The following PCBP2 variants were observed in gnomAD, a reference collection of about 807,000 sequenced individuals.
PCBP2 encodes poly(rC) binding protein 2.
A neutral mutation model predicts 50.1 loss-of-function variants in PCBP2; 4 were observed. The ratio of observed to expected loss-of-function variants is 0.08; its 90% CI spans 0.04 to 0.18. The LOEUF (loss-of-function observed/expected upper bound fraction) is 0.18. PCBP2 is among the 10% of genes least tolerant of loss of function. The pLI, the probability that PCBP2 is intolerant of heterozygous loss-of-function variation, is 1.00. For synonymous variants in PCBP2, 179 were observed against 168.0 expected, an observed-to-expected ratio of 1.07 and a Z score of -0.51; for missense variants, 161 against 474.3, an observed-to-expected ratio of 0.34 and a Z score of 6.14.
chr12:53,464,133 A>G (rs1421873039), intron 8 of PCBP2, among the ~76,000 whole-genome samples: 1 of 152,100 alleles, frequency 6.6e-6, no homozygotes, highest in Non-Finnish European at 1.5e-5. Flanking sequence ...TAGCCTTAGG[A>G]GTTTTTCTTT....
At chr12:53,475,345 G>T (rs1942505192) in intron 14 of PCBP2, 1 of 363,966 alleles carries the variant, frequency 2.7e-6, no homozygotes, top group Admixed American at 3.5e-5. Context: ...GGGATAACTG[G>T]GTGGGGGTGG....
chr12:53,454,641 G>A, intron 1 of PCBP2, 85 bp from the exon 2 acceptor site: 1 of 637,818 alleles, frequency 1.6e-6, no homozygotes, highest in Non-Finnish European at 2.9e-6. Flanking sequence ...GTGTAAAGTA[G>A]AAAATATTGA....
At chr12:53,473,776 TC>T (rs1380308966) in intron 14 of PCBP2, among the ~76,000 whole-genome samples, 9 of 151,050 alleles carry the variant, frequency 6.0e-5, no homozygotes, top group African/African-American at 1.7e-4. Flanking sequence ...TTTTTTTTTT[TC>T]CTTTCTCATT....
intron 8 of PCBP2, 126 bp downstream of exon 8, chr12:53,462,693 G>A (rs567638648): frequency 1.5e-5 from 10 of 646,264 alleles, no homozygotes; most frequent in South Asian, 9.2e-5. Flanking sequence ...TAGTTTGACC[G>A]GCTTTTAGTT....
At chr12:53,468,473 T>G in intron 12 of PCBP2, 2 of 389,810 alleles carry the variant, frequency 5.1e-6, no homozygotes, top group Non-Finnish European at 9.3e-6. Context: ...TGTTTAGACA[T>G]TGGTCCTTTT....
intron 11 of PCBP2, 152 bp downstream of exon 11, chr12:53,467,445 G>A (rs1941900366): frequency 2.7e-6 from 2 of 736,176 alleles, no homozygotes; most frequent in Non-Finnish European, 4.9e-6. Flanking sequence ...AGCCCAAGGA[G>A]GTAATGTGTT....
intron 13 of PCBP2, 87 bp from the exon 14 acceptor site, chr12:53,471,551 C>G (rs1387922876): frequency 8.1e-6 from 10 of 1,238,870 alleles, no homozygotes; most frequent in African/African-American, 2.0e-5. Context: ...TGGCCACAGT[C>G]GTAGGATTTG....
chr12:53,461,818 T>C (rs1208407051), intron 7 of PCBP2, among the ~76,000 whole-genome samples: 3 of 152,076 alleles, frequency 2.0e-5, no homozygotes, highest in Non-Finnish European at 4.4e-5. Context: ...TAAGCGATCC[T>C]CTCACCTGTC....
intron 13 of PCBP2, among the ~76,000 whole-genome samples, chr12:53,469,564 AC>A (rs888692900): frequency 1.3e-5 from 2 of 151,944 alleles, no homozygotes; most frequent in African/African-American, 4.8e-5. Context: ...TACTAAAAAT[AC>A]AAAAAAAGCA....
At chr12:53,463,147 G>T (rs573814541) in intron 8 of PCBP2, among the ~76,000 whole-genome samples, 2 of 152,148 alleles carry the variant, frequency 1.3e-5, no homozygotes, top group Non-Finnish European at 1.5e-5. Context: ...AGAATAGAAG[G>T]GGGGTGAGCA....
In PCBP2 at chr12:53,460,715, C is replaced by A. The variant is rs530661539; in HGVS notation, c.376-300C>A. On this transcript the variant is annotated intron_variant, in intron 6 of 14. Coordinates refer to ENST00000546463, the MANE Select transcript of PCBP2 (RefSeq NM_031989.5). ...GGTGATACTTGTGGGGCTTTTGCTT[C>A]GCCCAGAGAACTATCATTAGTTGAA... 21 of 263,538 alleles carry A rather than the reference C, an allele frequency of 8.0e-5. No homozygotes were observed. In the East Asian group the frequency reaches 2.1e-3, roughly 26 times the overall value. The allele number at this position is 263,538 out of a possible 1,614,324, so 16.3% of individuals were successfully genotyped here. A position where few individuals can be genotyped will look rare whatever the true frequency, so the allele number is the denominator to read the frequency against.
intron 14 of PCBP2, 58 bp from the exon 15 acceptor site, chr12:53,479,348 A>C: frequency 7.0e-7 from 1 of 1,431,160 alleles, no homozygotes; most frequent in Non-Finnish European, 9.9e-7. Context: ...AACCAGGTAG[A>C]GATGAGGTGC....
rs1403861883 is a variant in PCBP2 at position 53,479,532 on chromosome 12, G to A, written c.*90G>A. On this transcript the variant is annotated 3_prime_UTR_variant, in exon 15 of 15. Transcript: ENST00000546463. Reference sequence around the variant, plus strand: ...GTTTCTGAACAGTCAGCGATTCCAGGTTTTAAATAGTTTGTAAATTTTCAG... The same window carrying A: ...GTTTCTGAACAGTCAGCGATTCCAGATTTTAAATAGTTTGTAAATTTTCAG... 1 of 1,105,004 alleles carries A rather than the reference G, an allele frequency of 9.0e-7. No homozygotes were observed. Among genetic ancestry groups the A allele is most frequent in the Non-Finnish European group, 1.4e-6 (1 of 736,294 alleles). The allele number at this position is 1,105,004 out of a possible 1,614,324, so 68.4% of individuals were successfully genotyped here. A position where few individuals can be genotyped will look rare whatever the true frequency, so the allele number is the denominator to read the frequency against.
chr12:53,465,042 CT>C (rs747714871), intron 9 of PCBP2, 190 bp downstream of exon 9: 43,743 of 376,190 alleles, frequency 0.12, 2 homozygotes, highest in East Asian at 0.16. Flanking sequence ...GTAACACCAA[CT>C]TTTTTTTTTT....
At chr12:53,475,799 C>G (rs972924560) in intron 14 of PCBP2, 1 of 152,098 alleles carries the variant, frequency 6.6e-6, no homozygotes, top group South Asian at 2.1e-4. Flanking sequence ...AAAGAGATAA[C>G]GAGTCTGTGG....
intron 5 of PCBP2, among the ~76,000 whole-genome samples, chr12:53,458,256 T>C (rs1941190018): frequency 6.6e-6 from 1 of 151,868 alleles, no homozygotes; most frequent in East Asian, 1.9e-4. Context: ...AGGGTAGAAT[T>C]GATGTAAATA....
chr12:53,458,643 ATTTTTT>A (rs3049328), intron 5 of PCBP2, among the ~76,000 whole-genome samples: 4 of 123,326 alleles, frequency 3.2e-5, no homozygotes, highest in Admixed American at 1.6e-4. Flanking sequence ...ATTTGACTTA[ATTTTTT>A]TTTTTTTTTT....
intron 6 of PCBP2, chr12:53,460,108 T>C (rs540777284): frequency 1.3e-4 from 31 of 229,750 alleles, no homozygotes; most frequent in Non-Finnish European, 2.3e-4. Flanking sequence ...AGGAGAAAAA[T>C]AGGAAGATGT....
chr12:53,458,010 CCT>C (rs1401160580), intron 5 of PCBP2, among the ~76,000 whole-genome samples: 2 of 152,120 alleles, frequency 1.3e-5, no homozygotes, highest in African/African-American at 2.4e-5. Flanking sequence ...CTCACCGTAA[CCT>C]CTGACTCCCG....
Sources: gnomAD v4.1 joint callset for allele counts (sites outside exome capture counted in the v4.1 genomes callset) on GRCh38, gnomAD v4.1.1 for gene constraint, MANE v1.5 for transcripts, NCBI Gene and HGNC (gene_info 2026-07-23, HGNC 2026-07-21) for gene names.